The following BTBD9 variants were observed in gnomAD, a reference collection of about 807,000 sequenced individuals.
BTBD9 encodes BTB domain containing 9.
BTBD9 carries 49 observed loss-of-function variants against 64.3 expected under a neutral mutation model. That is an observed-to-expected ratio of 0.76 (90% CI 0.61 to 0.97). BTBD9 has a LOEUF of 0.97. Ranked by LOEUF, BTBD9 falls within the 50% of genes least tolerant of loss-of-function variation. The pLI, the probability that BTBD9 is intolerant of heterozygous loss-of-function variation, is 0.00. For synonymous variants in BTBD9, 260 were observed against 274.7 expected (o/e 0.95, Z 0.53); for missense variants, 598 against 762.1 (o/e 0.78, Z 2.53).
chr6:38,319,189 A>T (rs979578760), intron 7 of BTBD9, among the ~76,000 whole-genome samples: 1 of 152,112 alleles, frequency 6.6e-6, no homozygotes, highest in African/African-American at 2.4e-5. Context: ...GTAGGTCCAG[A>T]AATGTTGTCC....
intron 6 of BTBD9, among the ~76,000 whole-genome samples, chr6:38,420,565 A>T (rs919175386): frequency 6.6e-6 from 1 of 152,120 alleles, no homozygotes; most frequent in Non-Finnish European, 1.5e-5. Flanking sequence ...AAAAATAATA[A>T]TAACATCCTA....
rs189427061 is a variant in BTBD9 at position 38,187,202 on chromosome 6, G to A, written c.1641+5317C>T. 3.8e-3 allele frequency among the ~76,000 whole-genome samples: 582 copies of A among 152,326 alleles called. 5 individuals are homozygous for A. Among genetic ancestry groups the A allele is most frequent in the Non-Finnish European group, 5.9e-3 (400 of 68,032 alleles). On this transcript the variant is annotated intron_variant, in intron 10 of 10. Coordinates refer to ENST00000481247, the MANE Select transcript of BTBD9 (RefSeq NM_001099272.2). Reference sequence around the variant, plus strand: ...AAAGACTCCCTCGACGTTTGTTAACGTTGTTGACAAGGCCCAGTTTATTTT... The same window carrying A: ...AAAGACTCCCTCGACGTTTGTTAACATTGTTGACAAGGCCCAGTTTATTTT...
In BTBD9 at chr6:38,583,472, C is replaced by A. The variant is rs1776380757; in HGVS notation, c.815-3035G>T. ...TGAGATGGTGCCACTGCACTCCAGC[C>A]TGGATGATAGAGCCAAGACTCTATC... On this transcript the variant is annotated intron_variant, in intron 4 of 10. Coordinates refer to ENST00000481247, the MANE Select transcript of BTBD9 (RefSeq NM_001099272.2). Among the ~76,000 whole-genome samples, 7 of 152,236 alleles carry A rather than the reference C, an allele frequency of 4.6e-5. No homozygotes were observed. In the South Asian group the frequency reaches 1.5e-3, roughly 32 times the overall value.
chr6:38,363,414 AC>A (rs1467276196), intron 6 of BTBD9, among the ~76,000 whole-genome samples: 1 of 152,192 alleles, frequency 6.6e-6, no homozygotes, highest in Non-Finnish European at 1.5e-5. Flanking sequence ...AAACAAACTA[AC>A]AAAAACCTAA....
intron 6 of BTBD9, among the ~76,000 whole-genome samples, chr6:38,428,745 C>A (rs1434031215): frequency 6.7e-6 from 1 of 148,260 alleles, no homozygotes; most frequent in Non-Finnish European, 1.5e-5. Context: ...TGGAGTCTCA[C>A]TCTGTTGCCC....
chr6:38,284,940 C>T (rs578234630), intron 8 of BTBD9, among the ~76,000 whole-genome samples: 16 of 138,044 alleles, frequency 1.2e-4, no homozygotes, highest in African/African-American at 4.0e-4. Flanking sequence ...AACCCATGTG[C>T]AATGCTCTTA....
At chr6:38,478,623 G>A (rs1770999197) in intron 6 of BTBD9, among the ~76,000 whole-genome samples, 1 of 152,162 alleles carries the variant, frequency 6.6e-6, no homozygotes, top group Non-Finnish European at 1.5e-5. Flanking sequence ...GAAAACTAAA[G>A]GAGGGAAGAT....
chr6:38,273,856 C>A (rs923411510), intron 8 of BTBD9, among the ~76,000 whole-genome samples: 1 of 152,298 alleles, frequency 6.6e-6, no homozygotes, highest in African/African-American at 2.4e-5. Flanking sequence ...TGGAGGAGAG[C>A]GAATTACAAA....
chr6:38,251,819 T>C lies in BTBD9; in HGVS notation c.1562+4590A>G, dbSNP rs1339159132. On this transcript the variant is annotated intron_variant, in intron 9 of 10. Coordinates refer to ENST00000481247, the MANE Select transcript of BTBD9 (RefSeq NM_001099272.2). ...AGGCCGGAGAATCACTTGAACCCAGTAGGCGGAGGCTGCAGTGAGCCAAGA... is the reference window on the plus strand; with the variant it reads ...AGGCCGGAGAATCACTTGAACCCAGCAGGCGGAGGCTGCAGTGAGCCAAGA... Among the ~76,000 whole-genome samples the C allele has an allele frequency of 2.7e-5, 4 of 147,786 alleles. No individual in the cohort carries two copies. The Admixed American group carries it at 2.8e-4, about 10-fold the overall frequency.
chr6:38,277,337 CTTT>C (rs1187253487), intron 8 of BTBD9, among the ~76,000 whole-genome samples: 1 of 145,048 alleles, frequency 6.9e-6, no homozygotes, highest in Admixed American at 6.9e-5. Context: ...ATTTACAGAA[CTTT>C]TTTTTTTTTT....
chr6:38,615,818 G>GT lies in BTBD9; in HGVS notation c.-27-17698dup, dbSNP rs548744756. Among the ~76,000 whole-genome samples the GT allele has an allele frequency of 2.2e-4, 34 of 152,354 alleles. No individual in the cohort carries two copies. The South Asian group carries it at 6.6e-3, about 30-fold the overall frequency. On this transcript the variant is annotated intron_variant, in intron 1 of 10. Transcript: ENST00000481247. ...CTCAATACCTGTGTGAATGCTTAAA[G>GT]TAATTATTGCGGTCCTTTTTCAAAT... is the stretch of plus-strand genomic sequence containing the variant.
chr6:38,228,726 T>C (rs1763497377), intron 9 of BTBD9, among the ~76,000 whole-genome samples: 1 of 150,438 alleles, frequency 6.6e-6, no homozygotes, highest in African/African-American at 2.5e-5. Context: ...ATACAAAAAT[T>C]AGCCAGGCGT....
At position 38,256,519 on chromosome 6, in the gene BTBD9, G is replaced by C; in HGVS notation, c.1455-3C>G. ...CATCACAATCCCAAAGTAGTAACCT[G>C]AACAAAGGGAAAAACATAAGATTGC... is the stretch of plus-strand genomic sequence containing the variant. On this transcript the variant is annotated splice_region_variant and splice_polypyrimidine_tract_variant and intron_variant, in intron 8 of 10. Transcript: ENST00000481247. 3.8e-6 allele frequency: 6 copies of C among 1,595,786 alleles called. No individual in the cohort carries two copies. The highest frequency in any genetic ancestry group is 5.2e-6 in the Non-Finnish European group (6 of 1,164,162).
intron 6 of BTBD9, among the ~76,000 whole-genome samples, chr6:38,533,728 A>T (rs1773895635): frequency 6.6e-6 from 1 of 152,214 alleles, no homozygotes; most frequent in Non-Finnish European, 1.5e-5. Flanking sequence ...AATCAATAAC[A>T]AAAGGAATTC....
chr6:38,476,005 G>A lies in BTBD9; in HGVS notation c.1154+101595C>T, dbSNP rs181737669. On this transcript the variant is annotated intron_variant, in intron 6 of 10. Transcript: ENST00000481247. Reference sequence around the variant, plus strand: ...CCTAACTCTTCAAAGAATGTAAACTGGCTAATTAAGTCTGGAAATGTCCAC... The same window carrying A: ...CCTAACTCTTCAAAGAATGTAAACTAGCTAATTAAGTCTGGAAATGTCCAC... 1.3e-4 allele frequency among the ~76,000 whole-genome samples: 20 copies of A among 152,184 alleles called. No individual in the cohort carries two copies. The East Asian group carries it at 3.3e-3, about 25-fold the overall frequency.
At chr6:38,422,059 C>A (rs1232414768) in intron 6 of BTBD9, among the ~76,000 whole-genome samples, 3 of 152,102 alleles carry the variant, frequency 2.0e-5, no homozygotes, top group Admixed American at 6.5e-5. Flanking sequence ...TGTAAACCTC[C>A]GTACAAAGTT....
rs1360724094 is a variant in BTBD9 at position 38,481,996 on chromosome 6, T to C, written c.1154+95604A>G. The C allele has an allele frequency of 2.6e-5, 4 of 152,228 alleles. No individual in the cohort carries two copies. In the East Asian group the frequency reaches 7.7e-4, roughly 29 times the overall value. The allele number at this position is 152,228 out of a possible 1,614,324, so 9.4% of individuals were successfully genotyped here. On this transcript the variant is annotated intron_variant, in intron 6 of 10. Coordinates refer to ENST00000481247, the MANE Select transcript of BTBD9 (RefSeq NM_001099272.2). Reference sequence around the variant, plus strand: ...GCAGCTTGTAACTCAGAAAGTCATGTTTCATTTAGGATGTGCTGTATAATG... The same window carrying C: ...GCAGCTTGTAACTCAGAAAGTCATGCTTCATTTAGGATGTGCTGTATAATG...
chr6:38,634,271 CAT>C lies in BTBD9; in HGVS notation c.-28+5527_-28+5528del, dbSNP rs369564030. Among the ~76,000 whole-genome samples the C allele has an allele frequency of 1.3e-4, 20 of 152,336 alleles. No individual in the cohort carries two copies. In the East Asian group the frequency reaches 3.3e-3, roughly 25 times the overall value. On this transcript the variant is annotated intron_variant, in intron 1 of 10. Coordinates refer to ENST00000481247, the MANE Select transcript of BTBD9 (RefSeq NM_001099272.2). ...TATAACTTCCTCTCACTAGGACTAA[CAT>C]GTGTGCTATATGCCAAAAGTCTTCA...
chr6:38,319,064 G>C (rs1184761137), intron 7 of BTBD9, among the ~76,000 whole-genome samples: 2 of 152,124 alleles, frequency 1.3e-5, no homozygotes, highest in Non-Finnish European at 1.5e-5. Context: ...AGGGAGTACT[G>C]CCAGGGTACC....
Sources: gnomAD v4.1 joint callset for allele counts (sites outside exome capture counted in the v4.1 genomes callset) on GRCh38, gnomAD v4.1.1 for gene constraint, MANE v1.5 for transcripts, NCBI Gene and HGNC (gene_info 2026-07-23, HGNC 2026-07-21) for gene names.